VPS33A: variants seen among roughly 807,000 people sequenced by gnomAD.
VPS33A encodes the protein vacuolar protein sorting-associated protein 33A.
In VPS33A, 32 loss-of-function variants were observed where a neutral mutation model predicts 71.8. That is an observed-to-expected ratio of 0.45 (90% CI 0.34 to 0.60). VPS33A has a LOEUF of 0.60. Ranked by LOEUF, VPS33A falls within the 20% of genes least tolerant of loss-of-function variation. The pLI is 0.02. For missense variants in VPS33A, 625 were observed against 748.5 expected, an observed-to-expected ratio of 0.84 and a Z score of 1.92; for synonymous variants, 311 against 292.7, an observed-to-expected ratio of 1.06 and a Z score of -0.64.
chr12:122,251,099 C>T lies in VPS33A; in HGVS notation c.484G>A (p.Glu162Lys). 1 of 1,612,106 alleles carries T rather than the reference C, an allele frequency of 6.2e-7. No individual in the cohort carries two copies. Among genetic ancestry groups the T allele is most frequent in the South Asian group, 1.1e-5 (1 of 90,974 alleles). ...LSMESEGAFK[E>K]CYLEGDQTSL... ...GTCTGGTCACCCTCCAGGTAGCACT[C>T]CTGTGAGGGAAAAGGCCAATTATTG... is the stretch of plus-strand genomic sequence containing the variant. Residue 162 changes from glutamate to lysine, a missense_variant and splice_region_variant, in exon 5 of 13, where the codon GAG becomes AAG. By Grantham distance (56) the Glu-to-Lys change is moderately conservative. Coordinates refer to ENST00000267199, the MANE Select transcript of VPS33A (RefSeq NM_022916.6).
chr12:122,260,762 G>A (rs182999692), intron 4 of VPS33A, among the ~76,000 whole-genome samples: 30 of 152,176 alleles, frequency 2.0e-4, no homozygotes, highest in Non-Finnish European at 3.8e-4. Context: ...GAGGCGGGCG[G>A]ATCATGAAGC....
rs1955034046 is a variant in VPS33A at position 122,264,026 on chromosome 12, C to G, written c.168+108G>C. 2.9e-6 allele frequency: 3 copies of G among 1,019,240 alleles called. No individual in the cohort carries two copies. In the East Asian group the frequency reaches 7.5e-5, roughly 26 times the overall value. 63.1% of individuals were successfully genotyped at this position (1,019,240 alleles called of 1,614,324 possible). A position where few individuals can be genotyped will look rare whatever the true frequency, so the allele number is the denominator to read the frequency against. The stretch of plus-strand genomic sequence containing the variant: ...GCACTAGTATTAGTGTTTATAAAGA[C>G]CAAACAGCTTTGCAAACCAATGATT... On this transcript the variant is annotated intron_variant, in intron 2 of 12. Coordinates refer to ENST00000267199, the MANE Select transcript of VPS33A (RefSeq NM_022916.6).
chr12:122,239,121 G>A (rs910196277), intron 9 of VPS33A, among the ~76,000 whole-genome samples: 4 of 152,136 alleles, frequency 2.6e-5, no homozygotes, highest in East Asian at 3.9e-4. Context: ...CTAAGGACAC[G>A]CTTCTGAGAG....
At chr12:122,233,044 T>C (rs149068480) in intron 11 of VPS33A, 76 bp from the exon 12 acceptor site, 118 of 1,394,146 alleles carry the variant, frequency 8.5e-5, no homozygotes, top group Non-Finnish European at 7.4e-5. Context: ...TTTTGGGTAA[T>C]CCAAAATTAT....
At chr12:122,250,567 C>G (rs771932533) in intron 5 of VPS33A, among the ~76,000 whole-genome samples, 15 of 152,190 alleles carry the variant, frequency 9.9e-5, no homozygotes, top group Admixed American at 1.3e-4. Flanking sequence ...AGGCACACCA[C>G]AGCCTTCTTG....
chr12:122,263,700 C>T lies in VPS33A; in HGVS notation c.169-1G>A. The stretch of plus-strand genomic sequence containing the variant: ...TGAACATTTTTTCCACTTCATGTTC[C>T]TAGGCAAACACATACACAAAAGGTT... On this transcript the variant is annotated splice_acceptor_variant, in intron 2 of 12. Coordinates refer to ENST00000267199, the MANE Select transcript of VPS33A (RefSeq NM_022916.6). LOFTEE classifies it high-confidence loss of function. 6.2e-7 allele frequency: 1 copy of T among 1,604,900 alleles called. No homozygotes were observed. The highest frequency in any genetic ancestry group is 8.5e-7 in the Non-Finnish European group (1 of 1,173,766).
intron 4 of VPS33A, among the ~76,000 whole-genome samples, chr12:122,260,241 C>G (rs182155446): frequency 9.2e-5 from 14 of 151,806 alleles, no homozygotes; most frequent in Non-Finnish European, 1.5e-4. Context: ...CTAAAAACCA[C>G]TGAATTTTGC....
intron 7 of VPS33A, 102 bp downstream of exon 7, chr12:122,244,467 C>T: frequency 9.7e-7 from 1 of 1,030,944 alleles, no homozygotes. Flanking sequence ...TGCATTGAAG[C>T]CTGGTTTAAT....
At chr12:122,255,018 T>C (rs1592926663) in intron 4 of VPS33A, among the ~76,000 whole-genome samples, 1 of 143,904 alleles carries the variant, frequency 6.9e-6, no homozygotes, top group Admixed American at 7.2e-5. Context: ...ACCAACGCAC[T>C]CCAGCCTAGG....
intron 6 of VPS33A, among the ~76,000 whole-genome samples, chr12:122,246,728 T>A (rs1289918590): frequency 1.3e-5 from 2 of 152,004 alleles, no homozygotes; most frequent in African/African-American, 4.8e-5. Flanking sequence ...GCCTCCCAAG[T>A]AGCTGGGATT....
chr12:122,249,792 G>A, intron 6 of VPS33A, 79 bp downstream of exon 6: 1 of 1,320,514 alleles, frequency 7.6e-7, no homozygotes, highest in Non-Finnish European at 1.0e-6. Flanking sequence ...GCTTAAGTGT[G>A]CAATATACAA....
At chr12:122,263,450 TCA>T (rs1955025454) in intron 3 of VPS33A, 120 bp downstream of exon 3, 2 of 1,219,712 alleles carry the variant, frequency 1.6e-6, no homozygotes, top group Non-Finnish European at 2.2e-6. Flanking sequence ...CATGCCTATC[TCA>T]GTTTTCCAAA....
At chr12:122,249,843 T>C (rs773581197) in intron 6 of VPS33A, 28 bp downstream of exon 6, 2 of 1,589,092 alleles carry the variant, frequency 1.3e-6, no homozygotes, top group Non-Finnish European at 1.7e-6. Flanking sequence ...ATATTACCTA[T>C]TAGTGAAAAC....
intron 4 of VPS33A, among the ~76,000 whole-genome samples, chr12:122,260,867 C>G (rs1377472947): frequency 3.3e-5 from 5 of 152,130 alleles, no homozygotes; most frequent in South Asian, 2.1e-4. Flanking sequence ...CCCAGCTACT[C>G]AGGAGGCTGA....
At chr12:122,262,808 C>A (rs189190368) in intron 3 of VPS33A, among the ~76,000 whole-genome samples, 267 of 151,908 alleles carry the variant, frequency 1.8e-3, no homozygotes, top group African/African-American at 5.9e-3. Flanking sequence ...ACAACAACTT[C>A]CTAAGTTTCT....
At chr12:122,252,359 A>C (rs964427783) in intron 4 of VPS33A, among the ~76,000 whole-genome samples, 3 of 151,568 alleles carry the variant, frequency 2.0e-5, no homozygotes, top group Non-Finnish European at 4.4e-5. Flanking sequence ...AGCTCCACCT[A>C]CTGGGTTCAC....
In VPS33A at chr12:122,232,067, A is replaced by C. The variant is rs964974156; in HGVS notation, c.*179T>G. 1 of 606,882 alleles carries C rather than the reference A, an allele frequency of 1.6e-6. No homozygotes were observed. The highest frequency in any genetic ancestry group is 2.6e-6 in the Non-Finnish European group (1 of 380,050). 37.6% of individuals were successfully genotyped at this position (606,882 alleles called of 1,614,324 possible). A position where few individuals can be genotyped will look rare whatever the true frequency, so the allele number is the denominator to read the frequency against. On this transcript the variant is annotated 3_prime_UTR_variant, in exon 13 of 13. Coordinates refer to ENST00000267199, the MANE Select transcript of VPS33A (RefSeq NM_022916.6). Reference sequence around the variant, plus strand: ...GCAAGACTCCGTCTCAAAGGAAAAAAAAAAAGGGAATACAAAAGAGACGGA... The same window carrying C: ...GCAAGACTCCGTCTCAAAGGAAAAACAAAAAGGGAATACAAAAGAGACGGA...
intron 12 of VPS33A, 51 bp from the exon 13 acceptor site, chr12:122,232,478 C>T (rs1954576201): frequency 1.3e-6 from 2 of 1,486,434 alleles, no homozygotes; most frequent in Non-Finnish European, 1.8e-6. Context: ...TAATGCTTCT[C>T]TTCCCACCTC....
chr12:122,252,276 A>AT (rs908401928), intron 4 of VPS33A, among the ~76,000 whole-genome samples: 123 of 148,212 alleles, frequency 8.3e-4, no homozygotes, highest in Non-Finnish European at 1.5e-3. Flanking sequence ...TTTTATTTTT[A>AT]TTTTTTTTTT....
Sources: gnomAD v4.1 joint callset for allele counts (sites outside exome capture counted in the v4.1 genomes callset) on GRCh38, gnomAD v4.1.1 for gene constraint, MANE v1.5 for transcripts, NCBI Gene and HGNC (gene_info 2026-07-23, HGNC 2026-07-21) for gene names.